Variants in SDK1 observed in about 807,000 individuals in gnomAD.
SDK1 encodes the protein protein sidekick-1.
In SDK1, 157 loss-of-function variants were observed where a neutral mutation model predicts 245.5. The ratio of observed to expected loss-of-function variants is 0.64; its 90% CI spans 0.56 to 0.73. The LOEUF (loss-of-function observed/expected upper bound fraction) is 0.73, where lower values mean the gene tolerates loss of function less well. Ranked by LOEUF, SDK1 falls within the 30% of genes least tolerant of loss-of-function variation. The pLI is 0.00. For missense variants in SDK1, 3,583 were observed against 3,002.3 expected (o/e 1.19, Z -4.52); for synonymous variants, 1,647 against 1,278.5 (o/e 1.29, Z -6.15).
chr7:3,527,907 G>C (rs73035977), intron 1 of SDK1, among the ~76,000 whole-genome samples: 1 of 148,704 alleles, frequency 6.7e-6, no homozygotes, highest in Non-Finnish European at 1.5e-5. Flanking sequence ...GGTAAGGTTG[G>C]ATCATGGCCA....
chr7:3,662,563 C>G (rs1307060122), intron 4 of SDK1, among the ~76,000 whole-genome samples: 1 of 152,172 alleles, frequency 6.6e-6, no homozygotes, highest in African/African-American at 2.4e-5. Flanking sequence ...AAGAAGGGTG[C>G]TGACAAGGGC....
intron 1 of SDK1, among the ~76,000 whole-genome samples, chr7:3,446,923 G>T (rs1780359084): frequency 6.6e-6 from 1 of 152,062 alleles, no homozygotes; most frequent in African/African-American, 2.4e-5. Flanking sequence ...TCATGTAATT[G>T]GTAGAACAAC....
At chr7:3,772,919 G>T (rs1780444332) in intron 4 of SDK1, among the ~76,000 whole-genome samples, 1 of 152,086 alleles carries the variant, frequency 6.6e-6, no homozygotes, top group Non-Finnish European at 1.5e-5. Flanking sequence ...TTTTATTGAG[G>T]ATCCCATGTA....
At chr7:4,025,763 T>G (rs1454240711) in intron 17 of SDK1, among the ~76,000 whole-genome samples, 1 of 152,226 alleles carries the variant, frequency 6.6e-6, no homozygotes, top group Non-Finnish European at 1.5e-5. Flanking sequence ...TGCACCACTT[T>G]AATCTCCATC....
At position 4,010,946 on chromosome 7, in the gene SDK1, C is replaced by A. The variant is rs765556212; in HGVS notation, c.2132-20C>A. On this transcript the variant is annotated intron_variant, in intron 14 of 44. Coordinates refer to ENST00000404826, the MANE Select transcript of SDK1 (RefSeq NM_152744.4). Reference sequence around the variant, plus strand: ...CATGATAAGCCTGTGGGCTTGAATTCGTTTTCTTCATTCTTTCAGACTCTC... The same window carrying A: ...CATGATAAGCCTGTGGGCTTGAATTAGTTTTCTTCATTCTTTCAGACTCTC... 4 of 1,613,306 alleles carry A rather than the reference C, an allele frequency of 2.5e-6. No individual in the cohort carries two copies. The highest frequency in any genetic ancestry group is 3.3e-5 in the Admixed American group (2 of 59,956).
At chr7:4,209,022 G>A (rs1784380857) in intron 37 of SDK1, among the ~76,000 whole-genome samples, 1 of 152,166 alleles carries the variant, frequency 6.6e-6, no homozygotes. Flanking sequence ...GAGACGCAGG[G>A]CTCAGGGCCT....
intron 38 of SDK1, among the ~76,000 whole-genome samples, 174 bp downstream of exon 38, chr7:4,210,336 C>A (rs913279396): frequency 3.3e-5 from 5 of 152,118 alleles, no homozygotes; most frequent in Admixed American, 6.6e-5. Context: ...GCGAGGGGAG[C>A]GGGGACTCGC....
chr7:4,215,387 G>A lies in SDK1; in HGVS notation c.5540-4722G>A, dbSNP rs1344509070. Among the ~76,000 whole-genome samples the A allele has an allele frequency of 1.1e-4, 17 of 152,364 alleles. 1 individual carries two copies. Among genetic ancestry groups the A allele is most frequent in the South Asian group, 4.1e-4 (2 of 4,830 alleles). On this transcript the variant is annotated intron_variant, in intron 38 of 44. Coordinates refer to ENST00000404826, the MANE Select transcript of SDK1 (RefSeq NM_152744.4). ...GACTCTGCGCTGGGCCACGGGATTC[G>A]CTTCAGCCAGCGGGACAATAGCTGT...
intron 5 of SDK1, among the ~76,000 whole-genome samples, chr7:3,899,380 C>T (rs936369310): frequency 1.4e-4 from 22 of 152,170 alleles, no homozygotes; most frequent in African/African-American, 3.6e-4. Context: ...AACTTTGTAG[C>T]CAAAAGGCCC....
chr7:3,855,838 G>T (rs1270062832), intron 5 of SDK1, among the ~76,000 whole-genome samples: 4 of 152,172 alleles, frequency 2.6e-5, no homozygotes, highest in Non-Finnish European at 5.9e-5. Flanking sequence ...GTGGAAATCT[G>T]TGCTGCCTTT....
intron 30 of SDK1, among the ~76,000 whole-genome samples, chr7:4,157,454 G>GA: frequency 2.2e-5 from 2 of 89,036 alleles, no homozygotes; most frequent in African/African-American, 9.8e-5. Context: ...GGGAAGGGAG[G>GA]TGGAAGGGAG....
At chr7:3,951,422 G>A (rs979540508) in intron 6 of SDK1, among the ~76,000 whole-genome samples, 3 of 152,106 alleles carry the variant, frequency 2.0e-5, no homozygotes, top group Non-Finnish European at 4.4e-5. Flanking sequence ...CTTCCATGTC[G>A]TTGTGTCCCC....
intron 4 of SDK1, among the ~76,000 whole-genome samples, chr7:3,798,754 G>C (rs552520213): frequency 1.3e-5 from 2 of 152,152 alleles, no homozygotes; most frequent in African/African-American, 4.8e-5. Flanking sequence ...CCACATGCAA[G>C]GGGAGAGTAG....
intron 17 of SDK1, among the ~76,000 whole-genome samples, chr7:4,029,294 A>G (rs1442340621): frequency 6.9e-6 from 1 of 145,370 alleles, no homozygotes; most frequent in Non-Finnish European, 1.5e-5. Context: ...TCACTGCATC[A>G]TCCACTTCTT....
rs143419597 is a variant in SDK1, at chr7:4,187,388, G to A, written c.5098+8802G>A. Among the ~76,000 whole-genome samples the A allele has an allele frequency of 6.3e-3, 953 of 152,294 alleles. 8 individuals are homozygous for A. The highest frequency in any genetic ancestry group is 0.022 in the African/African-American group (901 of 41,552). On this transcript the variant is annotated intron_variant, in intron 35 of 44. Coordinates refer to ENST00000404826, the MANE Select transcript of SDK1 (RefSeq NM_152744.4). ...TCCAATGCCTGCCTTGGGATAAAACGCTAGAAGCAGAACTTCTGGTCCAAT... is the reference window on the plus strand; with the variant it reads ...TCCAATGCCTGCCTTGGGATAAAACACTAGAAGCAGAACTTCTGGTCCAAT...
At chr7:3,606,240 C>G (rs960227857) in intron 1 of SDK1, among the ~76,000 whole-genome samples, 1 of 152,116 alleles carries the variant, frequency 6.6e-6, no homozygotes, top group African/African-American at 2.4e-5. Context: ...TTCTCTTATG[C>G]TTCACCCTTA....
intron 22 of SDK1, among the ~76,000 whole-genome samples, chr7:4,087,020 T>C (rs1247831944): frequency 6.9e-6 from 1 of 144,500 alleles, no homozygotes; most frequent in East Asian, 1.9e-4. Context: ...GTATATATTT[T>C]TTGCCATGCA....
chr7:3,485,237 G>A (rs758909855), intron 1 of SDK1, among the ~76,000 whole-genome samples: 6 of 152,260 alleles, frequency 3.9e-5, no homozygotes, highest in South Asian at 2.1e-4. Context: ...TTTGATTTGC[G>A]TTTCTTAATG....
intron 1 of SDK1, among the ~76,000 whole-genome samples, chr7:3,409,245 C>T (rs755541571): frequency 1.3e-5 from 2 of 151,730 alleles, no homozygotes; most frequent in African/African-American, 2.4e-5. Context: ...TCCTCATATC[C>T]TTAATCGCCT....
Sources: gnomAD v4.1 joint callset for allele counts (sites outside exome capture counted in the v4.1 genomes callset) on GRCh38, gnomAD v4.1.1 for gene constraint, MANE v1.5 for transcripts, NCBI Gene and HGNC (gene_info 2026-07-23, HGNC 2026-07-21) for gene names.